The following ZDHHC1 variants were observed in gnomAD, a reference collection of about 807,000 sequenced individuals.
The protein encoded by ZDHHC1 is zDHHC palmitoyltransferase 1.
Under a neutral mutation model 46.9 loss-of-function variants are expected in ZDHHC1, and 45 were observed. That is an observed-to-expected ratio of 0.96 (90% CI 0.76 to 1.23). ZDHHC1 has a LOEUF of 1.23. Ranked by LOEUF, ZDHHC1 falls within the 50% of genes most tolerant of loss-of-function variation. The probability of loss-of-function intolerance (pLI) is 0.00; values close to 1 mark genes in which losing one functional copy is unlikely to be tolerated. For missense variants in ZDHHC1, 649 were observed against 670.8 expected (o/e 0.97, Z 0.36); for synonymous variants, 291 against 286.0 (o/e 1.02, Z -0.18).
At chr16:67,413,081 ATTT>A (rs797011908) in intron 1 of ZDHHC1, among the ~76,000 whole-genome samples, 1 of 130,626 alleles carries the variant, frequency 7.7e-6, no homozygotes, top group Non-Finnish European at 1.7e-5. Context: ...CACCCAGCCT[ATTT>A]TTTTTTTTTT....
chr16:67,408,188 C>T lies in ZDHHC1; in HGVS notation c.-38-375G>A, dbSNP rs1397209203. 2.0e-5 allele frequency among the ~76,000 whole-genome samples: 3 copies of T among 152,020 alleles called. No homozygotes were observed. The East Asian group carries it at 5.8e-4, about 29-fold the overall frequency. The stretch of plus-strand genomic sequence containing the variant: ...TAGGGTTTTTTTTTTTCTTCTGAGA[C>T]AGGATCTTGCTCTGTTGCCCAGGCT... On this transcript the variant is annotated intron_variant, in intron 1 of 11. Transcript: ENST00000565726.
At chr16:67,396,630 C>T (rs1186132429) in intron 8 of ZDHHC1, among the ~76,000 whole-genome samples, 1 of 152,190 alleles carries the variant, frequency 6.6e-6, no homozygotes, top group Non-Finnish European at 1.5e-5. Context: ...CCAGCGGCCC[C>T]GCCCAACCTC....
chr16:67,402,493 C>T (rs920688608), intron 3 of ZDHHC1, among the ~76,000 whole-genome samples: 1 of 152,232 alleles, frequency 6.6e-6, no homozygotes, highest in Non-Finnish European at 1.5e-5. Flanking sequence ...CCTGCTCCAA[C>T]TCTTCTCCCG....
chr16:67,412,845 G>A (rs1219560831), intron 1 of ZDHHC1, among the ~76,000 whole-genome samples: 2 of 151,946 alleles, frequency 1.3e-5, no homozygotes, highest in South Asian at 2.1e-4. Context: ...TTGTTGCTCA[G>A]GCTGGAGTGC....
chr16:67,398,169 A>G (rs767639129), intron 8 of ZDHHC1, 43 bp downstream of exon 8: 4 of 1,578,540 alleles, frequency 2.5e-6, no homozygotes, highest in South Asian at 1.1e-5. Flanking sequence ...ACAGCCCAAC[A>G]CCCCCCACAC....
At chr16:67,408,522 T>C (rs974599178) in intron 1 of ZDHHC1, among the ~76,000 whole-genome samples, 2 of 152,104 alleles carry the variant, frequency 1.3e-5, no homozygotes, top group Admixed American at 1.3e-4. Flanking sequence ...GGTCTTGCGC[T>C]GTCACCCAGG....
chr16:67,398,688 G>A lies in ZDHHC1; in HGVS notation c.699C>T (p.Ala233=), dbSNP rs370948161. 132 of 1,608,522 alleles carry A rather than the reference G, an allele frequency of 8.2e-5. No individual in the cohort carries two copies. Among genetic ancestry groups the A allele is most frequent in the African/African-American group, 1.5e-4 (11 of 75,042 alleles). Residue 233 remains alanine, a synonymous_variant, in exon 7 of 12, where the codon GCC becomes GCT. Transcript: ENST00000565726. ...HTDVWFVFLP[A]APVETQAPAI... ...CAGGGGCCTGGGTCTCCACGGGGGC[G>A]GCAGGCAGGAACACGAACCACACAT...
At chr16:67,412,352 A>C (rs958914075) in intron 1 of ZDHHC1, among the ~76,000 whole-genome samples, 1 of 152,022 alleles carries the variant, frequency 6.6e-6, no homozygotes, top group African/African-American at 2.4e-5. Context: ...AAGTATGTCT[A>C]ATAATAAATG....
chr16:67,396,946 G>A (rs1053970677), intron 8 of ZDHHC1, among the ~76,000 whole-genome samples: 8 of 152,194 alleles, frequency 5.3e-5, no homozygotes, highest in Non-Finnish European at 8.8e-5. Flanking sequence ...GTCTGAAAGC[G>A]TCCCCAGTGA....
At chr16:67,395,103 A>G in intron 10 of ZDHHC1, 41 bp from the exon 11 acceptor site, 1 of 1,613,310 alleles carries the variant, frequency 6.2e-7, no homozygotes, top group Admixed American at 1.7e-5. Flanking sequence ...CACATCGCCA[A>G]AAGAAGCAGA....
At position 67,394,866 on chromosome 16, in the gene ZDHHC1, C is replaced by T. The variant is rs781736163; in HGVS notation, c.1193G>A (p.Ser398Asn). The T allele has an allele frequency of 4.5e-6, 7 of 1,568,028 alleles. No homozygotes were observed. The highest frequency in any genetic ancestry group is 3.5e-6 in the Non-Finnish European group (4 of 1,159,252). The change falls in exon 12 of 12, where the codon AGC (serine) becomes AAC (asparagine). Residue 398 changes from serine (S) to asparagine (N), a missense_variant. By Grantham distance (46) the Ser-to-Asn change is conservative. Transcript: ENST00000565726. ...GGCGTCCGCGGAATCCGTCGACGAG[C>T]TGGAGCGGCGGCTGGGGGCCCTAGG... is the stretch of plus-strand genomic sequence containing the variant. Reference protein sequence around the residue: ...SGPRAPSRRSSSSTDSADASP... With the variant: ...SGPRAPSRRSNSSTDSADASP...
Position 67,406,408 on chromosome 16 carries a change from G to C in ZDHHC1, c.44C>G (p.Ala15Gly). 6.4e-7 allele frequency: 1 copy of C among 1,565,422 alleles called. No homozygotes were observed. Among genetic ancestry groups the C allele is most frequent in the Non-Finnish European group, 8.7e-7 (1 of 1,154,742 alleles). ...TGCCGTCCACACACTCTTCTCAGGGGCCGTCTTGTTGGAGGGCTTGTTGCA... is the reference window on the plus strand; with the variant it reads ...TGCCGTCCACACACTCTTCTCAGGGCCCGTCTTGTTGGAGGGCTTGTTGCA... ...NICNKPSNKT[A>G]PEKSVWTAPA... The change falls in exon 3 of 12, where the codon GCC (alanine) becomes GGC (glycine). Residue 15 changes from alanine to glycine, a missense_variant. Ala to Gly is a moderately conservative substitution (Grantham distance 60). Coordinates refer to ENST00000565726, the MANE Select transcript of ZDHHC1 (RefSeq NM_001323627.2). This position sits in a 1 kb window ranked among gnomAD's most constrained non-coding sequence, Gnocchi z 4.1.
In ZDHHC1 at chr16:67,416,476, C is replaced by A. The variant is rs2040839631; in HGVS notation, c.-344G>T. 1 of 159,808 alleles carries A rather than the reference C, an allele frequency of 6.3e-6. No homozygotes were observed. The highest frequency in any genetic ancestry group is 1.3e-4 in the South Asian group (1 of 7,994). 9.9% of individuals were successfully genotyped at this position (159,808 alleles called of 1,614,324 possible). A position where few individuals can be genotyped will look rare whatever the true frequency, so the allele number is the denominator to read the frequency against. On this transcript the variant is annotated 5_prime_UTR_variant, in exon 1 of 12. Transcript: ENST00000565726. ...CAGACTGGCTGGGCCTCGTCCGGCG[C>A]TGGGCCCGTTCCCCTGACAACGGCG...
intron 5 of ZDHHC1, 29 bp downstream of exon 5, chr16:67,399,326 A>C: frequency 6.3e-7 from 1 of 1,586,864 alleles, no homozygotes; most frequent in Non-Finnish European, 8.6e-7. Flanking sequence ...GTGCATCCCC[A>C]GGCCCGCGTG....
chr16:67,412,864 G>C (rs142003184), intron 1 of ZDHHC1, among the ~76,000 whole-genome samples: 2 of 150,336 alleles, frequency 1.3e-5, no homozygotes, highest in Admixed American at 1.3e-4. Flanking sequence ...GCAGTGGTGC[G>C]ATCTTGGCTC....
Position 67,416,407 on chromosome 16 carries a change from C to G in ZDHHC1, c.-275G>C, listed in dbSNP as rs2040836712. 4.6e-6 allele frequency: 1 copy of G among 216,034 alleles called. No homozygotes were observed. Among genetic ancestry groups the G allele is most frequent in the South Asian group, 4.8e-5 (1 of 20,846 alleles). The allele number at this position is 216,034 out of a possible 1,614,324, so 13.4% of individuals were successfully genotyped here. A position where few individuals can be genotyped will look rare whatever the true frequency, so the allele number is the denominator to read the frequency against. On this transcript the variant is annotated 5_prime_UTR_variant, in exon 1 of 12. Coordinates refer to ENST00000565726, the MANE Select transcript of ZDHHC1 (RefSeq NM_001323627.2). ...TCCGGCTCCGGCTCCGGCTCCGGCTCCGGCTCCGGCTCCAGCAGGCTGGAG... is the reference window on the plus strand; with the variant it reads ...TCCGGCTCCGGCTCCGGCTCCGGCTGCGGCTCCGGCTCCAGCAGGCTGGAG...
At chr16:67,414,242 C>T (rs2040797477) in intron 1 of ZDHHC1, among the ~76,000 whole-genome samples, 1 of 152,196 alleles carries the variant, frequency 6.6e-6, no homozygotes, top group South Asian at 2.1e-4. Flanking sequence ...TTAAAAACAA[C>T]GTTGTGACAG....
Position 67,401,072 on chromosome 16 carries a change from G to T in ZDHHC1, c.313C>A (p.Pro105Thr), listed in dbSNP as rs774105548. Reference protein sequence around the residue: ...VVHLTAVSIDPADANVRDKSY... With the variant: ...VVHLTAVSIDTADANVRDKSY... Reference sequence around the variant, plus strand: ...TTGTCCCGCACGTTGGCATCTGCTGGATCGATGGAGACGGCGGTCAGGTGC... The same window carrying T: ...TTGTCCCGCACGTTGGCATCTGCTGTATCGATGGAGACGGCGGTCAGGTGC... The change falls in exon 4 of 12, where the codon CCA becomes ACA. Residue 105 changes from proline (P) to threonine (T), a missense_variant. Pro to Thr is a conservative substitution (Grantham distance 38, BLOSUM62 -1). Transcript: ENST00000565726. This position sits in a 1 kb window ranked among gnomAD's most constrained non-coding sequence, Gnocchi z 4.6. 1 of 1,614,148 alleles carries T rather than the reference G, an allele frequency of 6.2e-7. No homozygotes were observed. Among genetic ancestry groups the T allele is most frequent in the Non-Finnish European group, 8.5e-7 (1 of 1,180,040 alleles).
chr16:67,410,106 G>A (rs1419296090), intron 1 of ZDHHC1, among the ~76,000 whole-genome samples: 3 of 152,198 alleles, frequency 2.0e-5, no homozygotes, highest in African/African-American at 7.2e-5. Flanking sequence ...CATGGGCACT[G>A]CTGGAAGAGC....
Sources: allele counts gnomAD v4.1 joint callset (sites outside exome capture counted in the v4.1 genomes callset), GRCh38; gene constraint gnomAD v4.1.1; non-coding constraint Gnocchi (gnomAD v3.1); transcripts MANE v1.5; gene names NCBI Gene and HGNC (gene_info 2026-07-23, HGNC 2026-07-21).